Variants in DST observed in about 807,000 individuals in gnomAD.
DST encodes the protein bullous pemphigoid antigen.
DST carries 253 observed loss-of-function variants against 875.2 expected under a neutral mutation model. The ratio of observed to expected loss-of-function variants is 0.29; its 90% CI spans 0.26 to 0.32. The LOEUF is 0.32. Ranked by LOEUF, DST falls within the 10% of genes least tolerant of loss-of-function variation. DST has a pLI of 1.00. For missense variants in DST, 8,287 were observed against 9,111.6 expected (o/e 0.91, Z 3.68); for synonymous variants, 3,124 against 3,197.1 (o/e 0.98, Z 0.77).
At position 56,815,892 on chromosome 6, in the gene DST, T is replaced by C. The variant is rs77319828; in HGVS notation, c.625+35505A>G. On this transcript the variant is annotated intron_variant, in intron 4 of 103. Transcript: ENST00000680361. ...TAGCAAATATTTGCTAGCATCTAAA[T>C]AGACATAAGGCATTCAGGACACAAA... Among the ~76,000 whole-genome samples the C allele has an allele frequency of 3.4e-3, 512 of 152,304 alleles. 4 individuals carry two copies. The highest frequency in any genetic ancestry group is 0.012 in the African/African-American group (495 of 41,570).
In DST at chr6:56,601,079, C is replaced by G. The variant is rs146530045; in HGVS notation, c.11541+364G>C. 3.7e-4 allele frequency among the ~76,000 whole-genome samples: 56 copies of G among 152,136 alleles called. 1 individual carries two copies. The East Asian group carries it at 0.011, about 29-fold the overall frequency. On this transcript the variant is annotated intron_variant, in intron 44 of 103. Transcript: ENST00000680361. The stretch of plus-strand genomic sequence containing the variant: ...GCAATCTAGCTCCAGAGCCCATGAT[C>G]TGAATTGCTGTGCTGTATTGGTTCC...
At chr6:56,710,406 G>A (rs2099358539) in intron 5 of DST, among the ~76,000 whole-genome samples, 1 of 152,196 alleles carries the variant, frequency 6.6e-6, no homozygotes, top group African/African-American at 2.4e-5. Flanking sequence ...AAGAAGGCTT[G>A]TCCCAAATGA....
intron 2 of DST, among the ~76,000 whole-genome samples, chr6:56,949,877 C>A (rs1821476612): frequency 6.6e-6 from 1 of 152,090 alleles, no homozygotes; most frequent in African/African-American, 2.4e-5. Context: ...TTTTGCTGGC[C>A]ATTCTCCAAT....
rs551562053 is a variant in DST, at chr6:56,721,154, C to T, written c.687+14074G>A. On this transcript the variant is annotated intron_variant, in intron 5 of 103. Transcript: ENST00000680361. ...CAGCTGCTGGGCAGGGGCGGCCCCC[C>T]CCACCTCCCAGATGGGGCGGCTGCC... Among the ~76,000 whole-genome samples, 3 of 148,988 alleles carry T rather than the reference C, an allele frequency of 2.0e-5. No homozygotes were observed. In the East Asian group the frequency reaches 5.9e-4, roughly 29 times the overall value.
At chr6:56,799,680 G>A (rs1474604768) in intron 4 of DST, among the ~76,000 whole-genome samples, 1 of 151,004 alleles carries the variant, frequency 6.6e-6, no homozygotes, top group Admixed American at 6.6e-5. Context: ...GGAGTGTAGT[G>A]GCACAATCCC....
At chr6:56,536,632 T>C (rs1401737536) in intron 62 of DST, 147 bp downstream of exon 62, 2 of 743,576 alleles carry the variant, frequency 2.7e-6, no homozygotes, top group Non-Finnish European at 4.0e-6. Flanking sequence ...CCAGTAGGCA[T>C]CTGAGTTTGA....
intron 36 of DST, chr6:56,615,518 T>C: frequency 1.2e-6 from 2 of 1,613,980 alleles, no homozygotes; most frequent in East Asian, 4.5e-5. Flanking sequence ...CATGTCCCAT[T>C]AGGAAGAATA....
chr6:56,882,950 T>G (rs1282253815), intron 3 of DST, among the ~76,000 whole-genome samples: 1 of 152,180 alleles, frequency 6.6e-6, no homozygotes, highest in Non-Finnish European at 1.5e-5. Flanking sequence ...CACTGCAACC[T>G]CTGCCTGCCA....
chr6:56,810,001 C>T (rs905601189), intron 4 of DST, among the ~76,000 whole-genome samples: 1 of 152,162 alleles, frequency 6.6e-6, no homozygotes, highest in African/African-American at 2.4e-5. Context: ...CCCGTACTTT[C>T]AGTAAACAGT....
intron 72 of DST, among the ~76,000 whole-genome samples, chr6:56,513,213 G>C (rs537111333): frequency 6.7e-5 from 10 of 149,710 alleles, no homozygotes; most frequent in Non-Finnish European, 1.3e-4. Flanking sequence ...AACTTGGCTT[G>C]GCAAGTAGTG....
At chr6:56,940,024 T>C (rs1354282151) in intron 2 of DST, among the ~76,000 whole-genome samples, 1 of 150,460 alleles carries the variant, frequency 6.6e-6, no homozygotes, top group Non-Finnish European at 1.5e-5. Context: ...AGACTCCGTC[T>C]CAAAAAAAAA....
At position 56,693,148 on chromosome 6, in the gene DST, A is replaced by C. The variant is rs994225659; in HGVS notation, c.1047+6505T>G. On this transcript the variant is annotated intron_variant, in intron 9 of 103. Coordinates refer to ENST00000680361, the MANE Select transcript of DST (RefSeq NM_001374736.1). The stretch of plus-strand genomic sequence containing the variant: ...TCTTACACATCCACAGACATTCCCC[A>C]TTTGATTTGTAGGAGATCACAGCTC... 2.3e-6 allele frequency: 3 copies of C among 1,280,314 alleles called. No homozygotes were observed. In the Admixed American group the frequency reaches 7.1e-5, roughly 30 times the overall value. The allele number at this position is 1,280,314 out of a possible 1,614,324, so 79.3% of individuals were successfully genotyped here. A position where few individuals can be genotyped will look rare whatever the true frequency, so the allele number is the denominator to read the frequency against.
In DST at chr6:56,482,593, G is replaced by A. The variant is rs569751398; in HGVS notation, c.21402+90C>T. ...CTTCAGACTGTCCTGATTGAGACAC[G>A]AGGGCCTCACAATTTTTTACTAGAA... On this transcript the variant is annotated intron_variant, in intron 89 of 103. Coordinates refer to ENST00000680361, the MANE Select transcript of DST (RefSeq NM_001374736.1). 34 of 1,319,760 alleles carry A rather than the reference G, an allele frequency of 2.6e-5. No individual in the cohort carries two copies. In the African/African-American group the frequency reaches 3.4e-4, roughly 13 times the overall value. The allele number at this position is 1,319,760 out of a possible 1,614,324, so 81.8% of individuals were successfully genotyped here.
At chr6:56,680,604 G>A (rs532690690) in intron 9 of DST, among the ~76,000 whole-genome samples, 1 of 152,102 alleles carries the variant, frequency 6.6e-6, no homozygotes, top group South Asian at 2.1e-4. Flanking sequence ...CTTCCACAAC[G>A]TCACCCCTTC....
At chr6:56,534,903 T>C (rs762406855) in intron 63 of DST, among the ~76,000 whole-genome samples, 1 of 152,230 alleles carries the variant, frequency 6.6e-6, no homozygotes, top group Non-Finnish European at 1.5e-5. Context: ...GAAATGTTCA[T>C]CTTTTTTATT....
At chr6:56,662,098 T>C (rs1261333737) in intron 10 of DST, among the ~76,000 whole-genome samples, 2 of 151,798 alleles carry the variant, frequency 1.3e-5, no homozygotes, top group Non-Finnish European at 2.9e-5. Flanking sequence ...AAAGAAAGAA[T>C]AGAAAAAAAA....
At chr6:56,569,781 G>T in intron 54 of DST, 75 bp downstream of exon 54, 1 of 1,369,278 alleles carries the variant, frequency 7.3e-7, no homozygotes, top group Non-Finnish European at 1.0e-6. Context: ...TTAGATCAAA[G>T]AAAACTACCA....
chr6:56,901,256 T>C (rs1793937315), intron 2 of DST, among the ~76,000 whole-genome samples: 1 of 152,218 alleles, frequency 6.6e-6, no homozygotes, highest in South Asian at 2.1e-4. Context: ...ACAAAATGTA[T>C]AACATTCCAC....
At chr6:56,743,225 C>G (rs906282168) in intron 4 of DST, among the ~76,000 whole-genome samples, 5 of 151,854 alleles carry the variant, frequency 3.3e-5, no homozygotes, top group African/African-American at 1.2e-4. Flanking sequence ...AACGTTAGAC[C>G]AATAGACCTT....
Sources: allele counts gnomAD v4.1 joint callset (sites outside exome capture counted in the v4.1 genomes callset), GRCh38; gene constraint gnomAD v4.1.1; transcripts MANE v1.5; gene names NCBI Gene and HGNC (gene_info 2026-07-23, HGNC 2026-07-21).